Variants in IL7 observed in about 807,000 individuals in gnomAD.
IL7 encodes interleukin 7.
A neutral mutation model predicts 21.6 loss-of-function variants in IL7; 3 were observed. The observed-to-expected ratio is 0.14, with a 90% CI of 0.06 to 0.36. The LOEUF (loss-of-function observed/expected upper bound fraction) is 0.36. Among genes scored for constraint, IL7 ranks in the 10% least tolerant of loss-of-function variants. The pLI is 1.00. For synonymous variants in IL7, 62 were observed against 68.1 expected (o/e 0.91, Z 0.44); for missense variants, 175 against 200.2 (o/e 0.87, Z 0.76).
intron 2 of IL7, among the ~76,000 whole-genome samples, chr8:78,783,774 G>A (rs759487959): frequency 1.3e-5 from 2 of 152,076 alleles, no homozygotes; most frequent in African/African-American, 2.4e-5. Context: ...GGATATATTC[G>A]AAGATTCTAG....
chr8:78,794,888 T>C (rs2130837686), intron 2 of IL7, among the ~76,000 whole-genome samples: 1 of 152,210 alleles, frequency 6.6e-6, no homozygotes. Context: ...CATCATTCTA[T>C]CCACACCCAA....
intron 2 of IL7, among the ~76,000 whole-genome samples, chr8:78,790,393 C>T (rs1232626316): frequency 6.6e-6 from 1 of 151,990 alleles, no homozygotes; most frequent in Non-Finnish European, 1.5e-5. Flanking sequence ...ATATTTAATT[C>T]ATAACAAATT....
intron 1 of IL7, among the ~76,000 whole-genome samples, chr8:78,800,082 C>T (rs1586118969): frequency 1.3e-5 from 2 of 152,214 alleles, no homozygotes; most frequent in South Asian, 4.2e-4. Context: ...TCCTACTCTC[C>T]CACCTTTCAA....
At chr8:78,779,640 A>C (rs957721729) in intron 2 of IL7, among the ~76,000 whole-genome samples, 1 of 152,180 alleles carries the variant, frequency 6.6e-6, no homozygotes, top group Non-Finnish European at 1.5e-5. Flanking sequence ...TTGGTTTGGC[A>C]GTATTTTACC....
At chr8:78,769,389 AACAG>A (rs1812874646) in intron 2 of IL7, among the ~76,000 whole-genome samples, 1 of 152,132 alleles carries the variant, frequency 6.6e-6, no homozygotes. Context: ...ATACACCAAT[AACAG>A]ACAAACAGAG....
intron 2 of IL7, among the ~76,000 whole-genome samples, chr8:78,755,370 T>C (rs1477634401): frequency 6.6e-6 from 1 of 152,088 alleles, no homozygotes; most frequent in African/African-American, 2.4e-5. Context: ...AAAAATGTCA[T>C]TGGTATTATG....
At chr8:78,732,403 G>C (rs1011556523), downstream of IL7, among the ~76,000 whole-genome samples, 42 of 152,086 alleles carry the variant, frequency 2.8e-4, no homozygotes, top group Admixed American at 2.6e-3. Context: ...CACACTGAGG[G>C]TGTCACCAGA....
intron 4 of IL7, among the ~76,000 whole-genome samples, chr8:78,685,434 A>G (rs565209740): frequency 6.6e-6 from 1 of 152,338 alleles, no homozygotes; most frequent in African/African-American, 2.4e-5. Flanking sequence ...TCCAGAGGCC[A>G]TAAAAGATCA....
At chr8:78,692,818 G>A in intron 3 of IL7, among the ~76,000 whole-genome samples, 1 of 151,940 alleles carries the variant, frequency 6.6e-6, no homozygotes, top group East Asian at 1.9e-4. Context: ...TGCCATGTTG[G>A]TGTGCTGCAC....
chr8:78,681,139 G>A (rs914358535), intron 4 of IL7, among the ~76,000 whole-genome samples: 6 of 151,898 alleles, frequency 4.0e-5, no homozygotes, highest in East Asian at 1.9e-4. Context: ...ACACAGAGAC[G>A]CCTTATTTGC....
chr8:78,798,449 A>C (rs1813937348), intron 1 of IL7, among the ~76,000 whole-genome samples: 1 of 152,072 alleles, frequency 6.6e-6, no homozygotes, highest in Admixed American at 6.5e-5. Context: ...AGTGCAAAAC[A>C]AGGGTGATGA....
At chr8:78,770,315 AGT>A (rs1330036775) in intron 2 of IL7, among the ~76,000 whole-genome samples, 2 of 152,180 alleles carry the variant, frequency 1.3e-5, no homozygotes, top group Non-Finnish European at 2.9e-5. Context: ...AAAACTTAGT[AGT>A]TATCACAAAA....
At chr8:78,764,469 TA>T (rs1429583521) in intron 2 of IL7, among the ~76,000 whole-genome samples, 3 of 152,094 alleles carry the variant, frequency 2.0e-5, no homozygotes, top group African/African-American at 7.2e-5. Flanking sequence ...TGATAACTAA[TA>T]AGCAATTATA....
At position 78,733,684 on chromosome 8, in the gene IL7, C is replaced by G; in HGVS notation, c.*29G>C. 6.3e-7 allele frequency: 1 copy of G among 1,587,822 alleles called. No individual in the cohort carries two copies. Among genetic ancestry groups the G allele is most frequent in the Non-Finnish European group, 8.5e-7 (1 of 1,169,858 alleles). On this transcript the variant is annotated 3_prime_UTR_variant, in exon 6 of 6. Coordinates refer to ENST00000263851, the MANE Select transcript of IL7 (RefSeq NM_000880.4). ...ATTCTTGGAGGATGCAGCTAAAGTT[C>G]GTGTTTCTATATTGCCACTCCATAT...
At chr8:78,734,891 A>G (rs1366960250) in intron 5 of IL7, among the ~76,000 whole-genome samples, 1 of 152,214 alleles carries the variant, frequency 6.6e-6, no homozygotes, top group Non-Finnish European at 1.5e-5. Context: ...AAGGTCAAGT[A>G]AATAAATATA....
chr8:78,706,050 G>A (rs1191972687), intron 3 of IL7, among the ~76,000 whole-genome samples: 2 of 152,184 alleles, frequency 1.3e-5, no homozygotes, highest in Non-Finnish European at 2.9e-5. Context: ...AAGAAGTCAT[G>A]CTATGCTGGG....
intron 2 of IL7, chr8:78,762,449 C>T: frequency 1.3e-6 from 2 of 1,569,002 alleles, no homozygotes; most frequent in African/African-American, 2.7e-5. Context: ...CGCCCGCCGG[C>T]CGGTCCAGCC....
intron 5 of IL7, chr8:78,720,904 C>T (rs972641139): frequency 2.6e-5 from 4 of 151,624 alleles, no homozygotes; most frequent in African/African-American, 7.3e-5. Flanking sequence ...TTTCCCCAAT[C>T]GTCTATTCTA....
At chr8:78,698,393 A>G (rs1021217803) in intron 3 of IL7, 7 of 1,585,766 alleles carry the variant, frequency 4.4e-6, no homozygotes, top group African/African-American at 1.4e-5. Context: ...ATTGTTAAAA[A>G]TAATGCTTTT....
Sources: gnomAD v4.1 joint callset for allele counts (sites outside exome capture counted in the v4.1 genomes callset) on GRCh38, gnomAD v4.1.1 for gene constraint, MANE v1.5 for transcripts, NCBI Gene and HGNC (gene_info 2026-07-23, HGNC 2026-07-21) for gene names.